The following AXDND1 variants were observed in gnomAD, a reference collection of about 807,000 sequenced individuals.
AXDND1 encodes the protein axonemal dynein light chain domain-containing protein 1.
In AXDND1, 110 loss-of-function variants were observed where a neutral mutation model predicts 137.5. That is an observed-to-expected ratio of 0.80 (90% CI 0.69 to 0.94). The LOEUF (loss-of-function observed/expected upper bound fraction) is 0.94, where lower values mean the gene tolerates loss of function less well. AXDND1 is among the 40% of genes least tolerant of loss of function. AXDND1 has a pLI of 0.00. For missense variants in AXDND1, 1,191 were observed against 1,169.8 expected (o/e 1.02, Z -0.26); for synonymous variants, 414 against 399.7 (o/e 1.04, Z -0.43).
chr1:179,468,951 C>T (rs559538521), intron 17 of AXDND1, among the ~76,000 whole-genome samples: 20 of 149,670 alleles, frequency 1.3e-4, no homozygotes, highest in Admixed American at 9.3e-4. Context: ...TTTTTTGAGG[C>T]GAAGTCTTGC....
intron 12 of AXDND1, among the ~76,000 whole-genome samples, chr1:179,417,991 T>A: frequency 6.6e-6 from 1 of 150,936 alleles, no homozygotes; most frequent in Non-Finnish European, 1.5e-5. Flanking sequence ...TTTATTTTAT[T>A]TATTTATTTA....
intron 23 of AXDND1, among the ~76,000 whole-genome samples, chr1:179,532,410 T>C (rs1021315586): frequency 2.0e-5 from 3 of 152,154 alleles, no homozygotes; most frequent in African/African-American, 7.2e-5. Flanking sequence ...AAACCCTTTC[T>C]TTTAAAAGAA....
chr1:179,407,116 G>A (rs1438971423), intron 11 of AXDND1, among the ~76,000 whole-genome samples: 4 of 151,980 alleles, frequency 2.6e-5, no homozygotes, highest in African/African-American at 7.2e-5. Context: ...CTGGTCTAGT[G>A]GTGATGAATT....
chr1:179,497,550 G>T (rs142924732), intron 20 of AXDND1, among the ~76,000 whole-genome samples: 2 of 152,012 alleles, frequency 1.3e-5, no homozygotes, highest in African/African-American at 2.4e-5. Context: ...AGCCAACATC[G>T]TACTGAATTC....
intron 18 of AXDND1, 52 bp downstream of exon 18, chr1:179,483,273 T>C: frequency 1.5e-6 from 2 of 1,302,926 alleles, no homozygotes; most frequent in South Asian, 1.4e-5. Context: ...GCTGGCAAAT[T>C]TCTTCAAGGA....
chr1:179,400,554 C>T (rs1296940249), intron 11 of AXDND1, among the ~76,000 whole-genome samples: 3 of 149,600 alleles, frequency 2.0e-5, no homozygotes, highest in African/African-American at 4.9e-5. Flanking sequence ...ACCACCTGTA[C>T]CCCAATAACT....
At chr1:179,448,946 G>T in intron 16 of AXDND1, 1 of 271,406 alleles carries the variant, frequency 3.7e-6, no homozygotes, top group South Asian at 3.0e-5. Flanking sequence ...GAGTGCAGTG[G>T]CATGATCTTG....
chr1:179,520,148 T>C (rs1265201795), intron 21 of AXDND1, among the ~76,000 whole-genome samples: 4 of 152,202 alleles, frequency 2.6e-5, no homozygotes, highest in Non-Finnish European at 5.9e-5. Flanking sequence ...TTCTGGCAAT[T>C]GTGAATGGGA....
chr1:179,471,490 A>C (rs1428775671), intron 17 of AXDND1, among the ~76,000 whole-genome samples: 1 of 152,168 alleles, frequency 6.6e-6, no homozygotes, highest in Non-Finnish European at 1.5e-5. Context: ...ATTTGTTGGC[A>C]AAATTGTTCA....
chr1:179,461,923 G>C (rs1049266416), intron 16 of AXDND1, among the ~76,000 whole-genome samples: 3 of 152,118 alleles, frequency 2.0e-5, no homozygotes, highest in Admixed American at 1.3e-4. Context: ...TGAAGTTGCT[G>C]ATCAGCTTAA....
intron 15 of AXDND1, among the ~76,000 whole-genome samples, chr1:179,444,053 ATTTTT>A (rs68061206): frequency 6.8e-6 from 1 of 146,078 alleles, no homozygotes; most frequent in African/African-American, 2.5e-5. Context: ...AGTTTAGTGA[ATTTTT>A]TTTTTTTTTT....
chr1:179,418,628 G>A (rs1245085278), intron 12 of AXDND1, among the ~76,000 whole-genome samples: 4 of 142,560 alleles, frequency 2.8e-5, no homozygotes, highest in Admixed American at 6.9e-5. Context: ...GCTGACCCCC[G>A]CACCTCCCTC....
At chr1:179,369,947 A>G in intron 3 of AXDND1, 28 bp from the exon 4 acceptor site, 2 of 1,528,854 alleles carry the variant, frequency 1.3e-6, no homozygotes, top group Non-Finnish European at 1.8e-6. Flanking sequence ...CCTCTGCTGG[A>G]TATTCATGTG....
Position 179,534,945 on chromosome 1 carries a change from C to G in AXDND1, c.3014C>G (p.Ser1005Ter), listed in dbSNP as rs778211762. 2.5e-6 allele frequency: 4 copies of G among 1,605,550 alleles called. No homozygotes were observed. Among genetic ancestry groups the G allele is most frequent in the Non-Finnish European group, 3.4e-6 (4 of 1,178,056 alleles). ...GAAGTCAGGTCAGCAGAAAATTCCTCAAAATCTCCAAAGAAAGGTAAGGAT... is the reference window on the plus strand; with the variant it reads ...GAAGTCAGGTCAGCAGAAAATTCCTGAAAATCTCCAAAGAAAGGTAAGGAT... ...EEEVRSAENS[S>*]KSPKKGH The change falls in exon 25 of 26, where the codon TCA (serine) becomes TGA (stop). Residue 1005 changes from serine to a stop codon, truncating the protein, a stop_gained. Coordinates refer to ENST00000367618, the MANE Select transcript of AXDND1 (RefSeq NM_144696.6). LOFTEE classifies it high-confidence loss of function.
intron 16 of AXDND1, among the ~76,000 whole-genome samples, chr1:179,465,487 C>T (rs539931479): frequency 7.9e-5 from 12 of 152,312 alleles, no homozygotes; most frequent in South Asian, 4.1e-4. Context: ...CTGGAAGCCT[C>T]GTCTCAGAGG....
intron 10 of AXDND1, among the ~76,000 whole-genome samples, chr1:179,394,823 C>A (rs1571624853): frequency 6.6e-6 from 1 of 152,216 alleles, no homozygotes; most frequent in Admixed American, 6.5e-5. Flanking sequence ...GCATGGCGGC[C>A]TTGCATGTCA....
At chr1:179,511,396 GT>G (rs1669047561) in intron 21 of AXDND1, among the ~76,000 whole-genome samples, 1 of 138,628 alleles carries the variant, frequency 7.2e-6, no homozygotes, top group African/African-American at 2.7e-5. Context: ...TATATGGGGT[GT>G]GTGTGTGTGT....
intron 6 of AXDND1, among the ~76,000 whole-genome samples, chr1:179,380,076 C>T (rs891316156): frequency 3.3e-5 from 5 of 151,748 alleles, no homozygotes; most frequent in South Asian, 2.1e-4. Flanking sequence ...GGTGAAACTC[C>T]GTCTCTACTA....
At chr1:179,473,293 TTC>T (rs1374107310) in intron 17 of AXDND1, among the ~76,000 whole-genome samples, 3 of 151,306 alleles carry the variant, frequency 2.0e-5, no homozygotes, top group Non-Finnish European at 4.4e-5. Flanking sequence ...AGGTCAGGAG[TTC>T]AAGACCAGCC....
Sources: allele counts gnomAD v4.1 joint callset (sites outside exome capture counted in the v4.1 genomes callset), GRCh38; gene constraint gnomAD v4.1.1; transcripts MANE v1.5; gene names NCBI Gene and HGNC (gene_info 2026-07-23, HGNC 2026-07-21).